GOLPH3: variants seen among roughly 807,000 people sequenced by gnomAD.
The protein encoded by GOLPH3 is coat protein GPP34.
In GOLPH3, 14 loss-of-function variants were observed where a neutral mutation model predicts 28.5. The observed-to-expected ratio is 0.49, with a 90% CI of 0.32 to 0.77. The LOEUF (loss-of-function observed/expected upper bound fraction) is 0.77, where lower values mean the gene tolerates loss of function less well. GOLPH3 is among the 30% of genes least tolerant of loss of function. GOLPH3 has a pLI of 0.03. For missense variants in GOLPH3, 350 were observed against 393.7 expected (o/e 0.89, Z 0.94); for synonymous variants, 158 against 159.2 (o/e 0.99, Z 0.06).
intron 1 of GOLPH3, among the ~76,000 whole-genome samples, chr5:32,162,165 G>A (rs983803193): frequency 6.6e-6 from 1 of 151,342 alleles, no homozygotes; most frequent in Non-Finnish European, 1.5e-5. Flanking sequence ...AACAAAGGTA[G>A]AGATAAATAC....
intron 1 of GOLPH3, among the ~76,000 whole-genome samples, chr5:32,152,712 G>A (rs990380382): frequency 6.6e-6 from 1 of 151,180 alleles, no homozygotes; most frequent in African/African-American, 2.4e-5. Context: ...AACTCAGGAA[G>A]CCAAGGTTGC....
chr5:32,156,857 C>T (rs1746441714), intron 1 of GOLPH3, among the ~76,000 whole-genome samples: 1 of 152,200 alleles, frequency 6.6e-6, no homozygotes, highest in African/African-American at 2.4e-5. Context: ...TAACAGGCCA[C>T]AGACCAGTAC....
intron 2 of GOLPH3, among the ~76,000 whole-genome samples, chr5:32,139,481 A>G (rs1346567027): frequency 6.6e-6 from 1 of 152,166 alleles, no homozygotes; most frequent in Non-Finnish European, 1.5e-5. Context: ...CCTCTTAACT[A>G]ATTTCCCTAA....
rs528933385 is a variant in GOLPH3, at chr5:32,151,668, C to T, written c.226-7788G>A. ...ATGAGACCTTAACAGCAAAAAGAAACCCACCTAATTCAAAAAAAGGCAAAA... is the reference window on the plus strand; with the variant it reads ...ATGAGACCTTAACAGCAAAAAGAAATCCACCTAATTCAAAAAAAGGCAAAA... On this transcript the variant is annotated intron_variant, in intron 1 of 3. Coordinates refer to ENST00000265070, the MANE Select transcript of GOLPH3 (RefSeq NM_022130.4). Among the ~76,000 whole-genome samples the T allele has an allele frequency of 2.0e-5, 3 of 152,010 alleles. No individual in the cohort carries two copies. In the East Asian group the frequency reaches 5.8e-4, roughly 29 times the overall value.
chr5:32,168,555 G>T (rs1398876813), intron 1 of GOLPH3, among the ~76,000 whole-genome samples: 5 of 152,106 alleles, frequency 3.3e-5, no homozygotes, highest in African/African-American at 1.2e-4. Context: ...AACTTTACTG[G>T]AAGGCTGTTG....
At chr5:32,160,524 T>G (rs535475437) in intron 1 of GOLPH3, among the ~76,000 whole-genome samples, 1 of 152,224 alleles carries the variant, frequency 6.6e-6, no homozygotes, top group African/African-American at 2.4e-5. Flanking sequence ...AATGTGATTA[T>G]CATAATACTG....
At chr5:32,169,303 G>C (rs1467431895) in intron 1 of GOLPH3, among the ~76,000 whole-genome samples, 1 of 152,014 alleles carries the variant, frequency 6.6e-6, no homozygotes, top group African/African-American at 2.4e-5. Flanking sequence ...ACACACTATG[G>C]GGAAACCCTA....
chr5:32,161,398 G>C lies in GOLPH3; in HGVS notation c.225+12412C>G, dbSNP rs556900994. ...CACCCTGGGTGACAGAGCATACCTT[G>C]TCTCAAAAAAAAAAAACCAAAGCTG... On this transcript the variant is annotated intron_variant, in intron 1 of 3. Transcript: ENST00000265070. Among the ~76,000 whole-genome samples, 19 of 122,942 alleles carry C rather than the reference G, an allele frequency of 1.5e-4. No individual in the cohort carries two copies. In the South Asian group the frequency reaches 4.2e-3, roughly 27 times the overall value. 80.7% of individuals were successfully genotyped at this position (122,942 alleles called of 152,430 possible). A position where few individuals can be genotyped will look rare whatever the true frequency, so the allele number is the denominator to read the frequency against.
chr5:32,150,588 AAC>A (rs1463162895), intron 1 of GOLPH3, among the ~76,000 whole-genome samples: 1 of 152,110 alleles, frequency 6.6e-6, no homozygotes, highest in South Asian at 2.1e-4. Flanking sequence ...AAATTCCAGA[AAC>A]AAACCCAAGA....
chr5:32,163,374 A>G (rs1176148297), intron 1 of GOLPH3, among the ~76,000 whole-genome samples: 1 of 152,186 alleles, frequency 6.6e-6, no homozygotes, highest in African/African-American at 2.4e-5. Flanking sequence ...GCTCCTTAAA[A>G]GCAAAAAATT....
At chr5:32,142,615 C>CA (rs1303080085) in intron 2 of GOLPH3, among the ~76,000 whole-genome samples, 20 of 139,152 alleles carry the variant, frequency 1.4e-4, no homozygotes, top group East Asian at 5.2e-4. Flanking sequence ...GGTCAGCCCC[C>CA]TGCCCGGCCA....
At chr5:32,151,157 C>A (rs938940935) in intron 1 of GOLPH3, among the ~76,000 whole-genome samples, 1 of 150,734 alleles carries the variant, frequency 6.6e-6, no homozygotes, top group Admixed American at 6.6e-5. Flanking sequence ...AAAATCATAG[C>A]AAAGTCACTT....
chr5:32,168,986 A>C (rs557209412), intron 1 of GOLPH3, among the ~76,000 whole-genome samples: 37 of 151,668 alleles, frequency 2.4e-4, no homozygotes, highest in Middle Eastern at 3.4e-3. Context: ...ACAACAACAA[A>C]AAAAAAAACA....
Position 32,162,320 on chromosome 5 carries a change from G to A in GOLPH3, c.225+11490C>T, listed in dbSNP as rs563567188. 2.7e-5 allele frequency among the ~76,000 whole-genome samples: 4 copies of A among 150,080 alleles called. No homozygotes were observed. In the South Asian group the frequency reaches 6.3e-4, roughly 24 times the overall value. ...ATCCTGGCTAACACGATGAAACCCC[G>A]TCTCAACTAAAAATACAAAAATTTA... On this transcript the variant is annotated intron_variant, in intron 1 of 3. Coordinates refer to ENST00000265070, the MANE Select transcript of GOLPH3 (RefSeq NM_022130.4).
At chr5:32,140,938 G>A (rs74792779) in intron 2 of GOLPH3, among the ~76,000 whole-genome samples, 2,357 of 152,126 alleles carry the variant, frequency 0.015, 23 homozygotes, top group Non-Finnish European at 0.024. Context: ...CAAGGCGAGC[G>A]GATCACTTGA....
chr5:32,142,311 GGA>G (rs1430635560), intron 2 of GOLPH3, among the ~76,000 whole-genome samples: 3 of 150,716 alleles, frequency 2.0e-5, no homozygotes, highest in South Asian at 4.2e-4. Flanking sequence ...TGAGAAATGA[GGA>G]GACCCTCTGC....
At chr5:32,145,816 A>G (rs1292647821) in intron 1 of GOLPH3, among the ~76,000 whole-genome samples, 1 of 152,194 alleles carries the variant, frequency 6.6e-6, no homozygotes, top group East Asian at 1.9e-4. Flanking sequence ...GCTTAAACAG[A>G]ATTGGATTCA....
In GOLPH3 at chr5:32,143,809, C is replaced by A; in HGVS notation, c.297G>T (p.Leu99Phe). 6.2e-7 allele frequency: 1 copy of A among 1,605,014 alleles called. No homozygotes were observed. The highest frequency in any genetic ancestry group is 1.1e-5 in the South Asian group (1 of 89,174). ...AAGCCTCTAGTTGTAACCTTCCTCTCAATGCTAATTCAATTAACATACAGC... is the reference window on the plus strand; with the variant it reads ...AAGCCTCTAGTTGTAACCTTCCTCTAAATGCTAATTCAATTAACATACAGC... ...LRGCMLIELA[L>F]RGRLQLEACG... The change falls in exon 2 of 4, where the codon TTG becomes TTT. Residue 99 changes from leucine to phenylalanine, a missense_variant. By Grantham distance (22) the Leu-to-Phe change is conservative (BLOSUM62 0). Coordinates refer to ENST00000265070, the MANE Select transcript of GOLPH3 (RefSeq NM_022130.4).
At chr5:32,147,521 G>C (rs1746206119) in intron 1 of GOLPH3, among the ~76,000 whole-genome samples, 1 of 152,034 alleles carries the variant, frequency 6.6e-6, no homozygotes, top group African/African-American at 2.4e-5. Context: ...TGTGTGTAGA[G>C]AGACAGAAAA....
Sources: allele counts gnomAD v4.1 joint callset (sites outside exome capture counted in the v4.1 genomes callset), GRCh38; gene constraint gnomAD v4.1.1; transcripts MANE v1.5; gene names NCBI Gene and HGNC (gene_info 2026-07-23, HGNC 2026-07-21).